The following EYS variants were observed in gnomAD, a reference collection of about 807,000 sequenced individuals.
EYS encodes EGF-like photoreceptor maintenance factor.
Under a neutral mutation model 282.1 loss-of-function variants are expected in EYS, and 250 were observed. The ratio of observed to expected loss-of-function variants is 0.89; its 90% CI spans 0.80 to 0.98. EYS has a LOEUF of 0.98. Among genes scored for constraint, EYS ranks in the 50% least tolerant of loss-of-function variants. The pLI is 0.00. For missense variants in EYS, 4,016 were observed against 3,709.0 expected (o/e 1.08, Z -2.15); for synonymous variants, 1,355 against 1,282.9 (o/e 1.06, Z -1.20).
chr6:65,596,862 G>A (rs1351158169), intron 2 of EYS, among the ~76,000 whole-genome samples: 1 of 152,024 alleles, frequency 6.6e-6, no homozygotes, highest in Non-Finnish European at 1.5e-5. Flanking sequence ...TAAGTATTTA[G>A]TGGGATGATA....
At chr6:64,500,900 T>C (rs1247247320) in intron 26 of EYS, among the ~76,000 whole-genome samples, 3 of 152,150 alleles carry the variant, frequency 2.0e-5, no homozygotes, top group Non-Finnish European at 4.4e-5. Context: ...TTGCATAACA[T>C]TGATTATGTT....
intron 2 of EYS, among the ~76,000 whole-genome samples, chr6:65,607,673 G>A (rs1203967918): frequency 6.6e-6 from 1 of 151,526 alleles, no homozygotes; most frequent in Non-Finnish European, 1.5e-5. Flanking sequence ...GTTTTAATAT[G>A]GCCAAACAAA....
intron 35 of EYS, among the ~76,000 whole-genome samples, chr6:63,930,417 A>T (rs566368480): frequency 4.5e-4 from 68 of 152,180 alleles, no homozygotes; most frequent in African/African-American, 1.6e-3. Flanking sequence ...TGTTTATAGC[A>T]TCATTATTAT....
intron 26 of EYS, among the ~76,000 whole-genome samples, chr6:64,450,787 T>C (rs1363574833): frequency 6.6e-6 from 1 of 152,004 alleles, no homozygotes; most frequent in Admixed American, 6.6e-5. Flanking sequence ...AAGGCAGAAA[T>C]AAAGATGTTC....
chr6:65,706,681 T>G (rs1455888789), intron 1 of EYS, among the ~76,000 whole-genome samples: 1 of 152,164 alleles, frequency 6.6e-6, no homozygotes, highest in Non-Finnish European at 1.5e-5. Context: ...AAAACTAGTA[T>G]GAGTATCTCT....
intron 30 of EYS, among the ~76,000 whole-genome samples, chr6:64,248,310 C>A (rs1023659341): frequency 2.0e-5 from 3 of 151,962 alleles, no homozygotes; most frequent in Admixed American, 6.6e-5. Flanking sequence ...GTCTCTTAAG[C>A]AGGAAATTAG....
intron 30 of EYS, among the ~76,000 whole-genome samples, chr6:64,280,347 T>C (rs1392716700): frequency 6.6e-6 from 1 of 152,104 alleles, no homozygotes; most frequent in East Asian, 1.9e-4. Context: ...CTCACCTAGA[T>C]AAGAAAAGAG....
At chr6:65,436,804 T>C (rs180949862) in intron 5 of EYS, among the ~76,000 whole-genome samples, 84 of 152,160 alleles carry the variant, frequency 5.5e-4, no homozygotes, top group Middle Eastern at 6.8e-3. Context: ...ATAAAAAATA[T>C]CTGAATAGAT....
At chr6:63,850,455 A>C (rs1227843449) in intron 36 of EYS, among the ~76,000 whole-genome samples, 4 of 152,236 alleles carry the variant, frequency 2.6e-5, no homozygotes, top group African/African-American at 4.8e-5. Flanking sequence ...CACAAAGGGA[A>C]GCCCATCAGA....
In EYS at chr6:64,592,025, A is replaced by AT; in HGVS notation, c.3878-37dup. 4.2e-6 allele frequency: 6 copies of AT among 1,419,408 alleles called. No individual in the cohort carries two copies. In the South Asian group the frequency reaches 9.4e-5, roughly 22 times the overall value. 87.9% of individuals were successfully genotyped at this position (1,419,408 alleles called of 1,614,324 possible). On this transcript the variant is annotated intron_variant, in intron 25 of 42. Coordinates refer to ENST00000503581, the MANE Select transcript of EYS (RefSeq NM_001142800.2). ...GAAAAAAGCCAAAAAGGTTAGAAAAATGAATCAGAAACGAACCACTTTGGC... is the reference window on the plus strand; with the variant it reads ...GAAAAAAGCCAAAAAGGTTAGAAAAATTGAATCAGAAACGAACCACTTTGGC...
intron 22 of EYS, among the ~76,000 whole-genome samples, chr6:64,663,744 C>T (rs9345358): frequency 0.64 from 97,290 of 151,992 alleles, 31,372 homozygotes; most frequent in African/African-American, 0.71. Flanking sequence ...CTGTTAGCAG[C>T]GGGTCTTTGC....
At chr6:65,133,317 C>T (rs1581939885) in intron 12 of EYS, among the ~76,000 whole-genome samples, 1 of 151,616 alleles carries the variant, frequency 6.6e-6, no homozygotes, top group Non-Finnish European at 1.5e-5. Flanking sequence ...AAACACCAAA[C>T]AAGCAAACAA....
At chr6:65,461,822 T>A (rs1764836349) in intron 5 of EYS, among the ~76,000 whole-genome samples, 2 of 152,130 alleles carry the variant, frequency 1.3e-5, no homozygotes, top group East Asian at 3.8e-4. Context: ...TAACAGGGAC[T>A]CTCATACTTT....
intron 22 of EYS, among the ~76,000 whole-genome samples, chr6:64,667,678 A>C (rs1769280402): frequency 1.3e-5 from 2 of 152,102 alleles, no homozygotes; most frequent in African/African-American, 4.8e-5. Context: ...AGGGAGATCC[A>C]GCACCCATAA....
chr6:64,798,135 G>T (rs1171715969), intron 22 of EYS, among the ~76,000 whole-genome samples: 1 of 151,740 alleles, frequency 6.6e-6, no homozygotes, highest in African/African-American at 2.4e-5. Context: ...GAGAAATTTT[G>T]TCACACCTAC....
intron 11 of EYS, among the ~76,000 whole-genome samples, chr6:65,314,820 T>C (rs900062413): frequency 3.9e-5 from 6 of 152,128 alleles, no homozygotes; most frequent in African/African-American, 1.4e-4. Context: ...AAGGTCTGTT[T>C]ATCAGGGTAA....
intron 1 of EYS, among the ~76,000 whole-genome samples, chr6:65,658,891 C>A (rs1417327641): frequency 2.6e-5 from 4 of 150,994 alleles, no homozygotes; most frequent in Non-Finnish European, 4.4e-5. Flanking sequence ...ATATAGCAAG[C>A]ATTATAAAAA....
intron 12 of EYS, among the ~76,000 whole-genome samples, chr6:65,129,256 C>T (rs911917016): frequency 2.0e-5 from 3 of 151,828 alleles, no homozygotes; most frequent in African/African-American, 7.2e-5. Context: ...CAATATTGGT[C>T]TTGGCAAAGT....
chr6:64,756,669 T>C (rs1157038647), intron 22 of EYS, among the ~76,000 whole-genome samples: 2 of 152,194 alleles, frequency 1.3e-5, no homozygotes, highest in Non-Finnish European at 2.9e-5. Flanking sequence ...GCGTTATACA[T>C]GTAAAACCAC....
Sources: gnomAD v4.1 joint callset for allele counts (sites outside exome capture counted in the v4.1 genomes callset) on GRCh38, gnomAD v4.1.1 for gene constraint, MANE v1.5 for transcripts, NCBI Gene and HGNC (gene_info 2026-07-23, HGNC 2026-07-21) for gene names.